RBFOX1: variants seen among roughly 807,000 people sequenced by gnomAD.
RBFOX1 encodes RNA binding protein fox-1 homolog 1.
In RBFOX1, 8 loss-of-function variants were observed where a neutral mutation model predicts 57.7. The observed-to-expected ratio is 0.14, with a 90% CI of 0.08 to 0.25. The LOEUF (loss-of-function observed/expected upper bound fraction) is 0.25. Ranked by LOEUF, RBFOX1 falls within the 10% of genes least tolerant of loss-of-function variation. RBFOX1 has a pLI of 1.00. For synonymous variants in RBFOX1, 326 were observed against 222.4 expected (o/e 1.47, Z -4.15); for missense variants, 611 against 548.5 (o/e 1.11, Z -1.14).
chr16:7,237,776 C>T lies in RBFOX1; in HGVS notation c.27+185678C>T, dbSNP rs566403255. Among the ~76,000 whole-genome samples, 8 of 152,274 alleles carry T rather than the reference C, an allele frequency of 5.3e-5. No individual in the cohort carries two copies. The South Asian group carries it at 8.3e-4, about 16-fold the overall frequency. On this transcript the variant is annotated intron_variant, in intron 4 of 15. Coordinates refer to ENST00000550418, the MANE Select transcript of RBFOX1 (RefSeq NM_018723.4). ...ATCCCAACACTTTGGGAGGGTGAGG[C>T]GGACAGATCACTTGAGGTCAGGGGT... is the stretch of plus-strand genomic sequence containing the variant.
At chr16:5,709,106 A>T (rs146782859) in intron 3 of RBFOX1, among the ~76,000 whole-genome samples, 1 of 152,302 alleles carries the variant, frequency 6.6e-6, no homozygotes, top group African/African-American at 2.4e-5. Context: ...AACCTTGCTA[A>T]TGTTGAGTTT....
chr16:7,018,159 G>C (rs1243141207), intron 3 of RBFOX1, among the ~76,000 whole-genome samples: 3 of 152,134 alleles, frequency 2.0e-5, no homozygotes, highest in Non-Finnish European at 2.9e-5. Flanking sequence ...TTAAGCCCTT[G>C]CTGAATTTCC....
chr16:5,456,663 C>G (rs2068639332), intron 1 of RBFOX1, among the ~76,000 whole-genome samples: 1 of 152,198 alleles, frequency 6.6e-6, no homozygotes, highest in Non-Finnish European at 1.5e-5. Flanking sequence ...TGAATCTGCC[C>G]ATTTTCTTCC....
At chr16:6,589,931 A>G (rs1310732790) in intron 2 of RBFOX1, among the ~76,000 whole-genome samples, 5 of 152,294 alleles carry the variant, frequency 3.3e-5, no homozygotes, top group Admixed American at 1.3e-4. Flanking sequence ...ACCTGTAGCT[A>G]CATCATGAGC....
At chr16:6,955,102 A>G (rs1334559803) in intron 3 of RBFOX1, among the ~76,000 whole-genome samples, 1 of 150,892 alleles carries the variant, frequency 6.6e-6, no homozygotes, top group East Asian at 1.9e-4. Flanking sequence ...TTAGCTGGGC[A>G]TGGTGGATTA....
At chr16:6,779,309 C>T (rs1191583064) in intron 3 of RBFOX1, among the ~76,000 whole-genome samples, 1 of 151,966 alleles carries the variant, frequency 6.6e-6, no homozygotes, top group Admixed American at 6.6e-5. Flanking sequence ...GGCATCATGT[C>T]CTCCAGTTGT....
intron 1 of RBFOX1, among the ~76,000 whole-genome samples, chr16:6,088,995 C>G (rs1015001249): frequency 6.6e-6 from 1 of 151,288 alleles, no homozygotes; most frequent in African/African-American, 2.4e-5. Flanking sequence ...ACTCGAGAGG[C>G]CGAGGCAGGA....
chr16:7,259,873 T>G (rs1179746910), intron 4 of RBFOX1, among the ~76,000 whole-genome samples: 1 of 152,200 alleles, frequency 6.6e-6, no homozygotes, highest in Non-Finnish European at 1.5e-5. Context: ...TATTAGGTGC[T>G]TAATATATTG....
chr16:6,147,183 T>G (rs2096764734), intron 1 of RBFOX1, among the ~76,000 whole-genome samples: 1 of 152,234 alleles, frequency 6.6e-6, no homozygotes, highest in Non-Finnish European at 1.5e-5. Flanking sequence ...AAGGACCTCT[T>G]CAGAGCCTCC....
chr16:6,209,204 C>T (rs979415886), intron 1 of RBFOX1, among the ~76,000 whole-genome samples: 2 of 152,100 alleles, frequency 1.3e-5, no homozygotes, highest in African/African-American at 2.4e-5. Context: ...TGTGAAGCTG[C>T]TGGAGAATGT....
At chr16:7,191,029 T>C (rs576031316) in intron 4 of RBFOX1, among the ~76,000 whole-genome samples, 2 of 152,146 alleles carry the variant, frequency 1.3e-5, no homozygotes, top group South Asian at 4.2e-4. Flanking sequence ...ACATAGTGTC[T>C]AGATGATCAA....
chr16:7,325,244 C>T (rs1156982016), intron 4 of RBFOX1, among the ~76,000 whole-genome samples: 5 of 152,216 alleles, frequency 3.3e-5, no homozygotes, highest in Non-Finnish European at 7.3e-5. Context: ...CTCTGGACCA[C>T]TCCATGTGTT....
At chr16:6,117,962 A>G (rs569586297) in intron 1 of RBFOX1, among the ~76,000 whole-genome samples, 1 of 152,318 alleles carries the variant, frequency 6.6e-6, no homozygotes, top group East Asian at 1.9e-4. Context: ...TTCTAGTAAG[A>G]ACACAAGATG....
intron 2 of RBFOX1, among the ~76,000 whole-genome samples, chr16:6,544,402 C>G (rs930537076): frequency 6.6e-6 from 1 of 152,184 alleles, no homozygotes; most frequent in Non-Finnish European, 1.5e-5. Flanking sequence ...AACATTTCCA[C>G]CTAAATTAGT....
intron 3 of RBFOX1, among the ~76,000 whole-genome samples, chr16:6,725,000 A>G (rs1379223407): frequency 6.7e-6 from 1 of 149,048 alleles, no homozygotes; most frequent in East Asian, 2.0e-4. Context: ...AGTAATGGGG[A>G]CAGCCAGGAG....
intron 5 of RBFOX1, among the ~76,000 whole-genome samples, chr16:7,564,985 G>C (rs1418330760): frequency 6.6e-6 from 1 of 152,102 alleles, no homozygotes; most frequent in African/African-American, 2.4e-5. Context: ...AGCCAGGCTC[G>C]AAATGAGGCA....
intron 3 of RBFOX1, among the ~76,000 whole-genome samples, chr16:6,735,612 A>T (rs1397918953): frequency 6.6e-6 from 1 of 152,204 alleles, no homozygotes; most frequent in Non-Finnish European, 1.5e-5. Flanking sequence ...AAATAACTTG[A>T]AACAGAAGTT....
chr16:5,931,041 A>G (rs1326889628), intron 4 of RBFOX1, among the ~76,000 whole-genome samples: 1 of 152,042 alleles, frequency 6.6e-6, no homozygotes, highest in Admixed American at 6.5e-5. Context: ...AAGTAAACTT[A>G]TTTGTCCAAG....
At chr16:6,227,636 A>G (rs1007272270) in intron 1 of RBFOX1, among the ~76,000 whole-genome samples, 6 of 152,296 alleles carry the variant, frequency 3.9e-5, no homozygotes, top group African/African-American at 1.2e-4. Context: ...AAAGTAGGGC[A>G]GCCATCTATG....
Sources: allele counts gnomAD v4.1 joint callset (sites outside exome capture counted in the v4.1 genomes callset), GRCh38; gene constraint gnomAD v4.1.1; transcripts MANE v1.5; gene names NCBI Gene and HGNC (gene_info 2026-07-23, HGNC 2026-07-21).